CTXN2: variants seen among roughly 807,000 people sequenced by gnomAD.
CTXN2 encodes cortexin-2.
In CTXN2, 3 loss-of-function variants were observed where a neutral mutation model predicts 5.7. That is an observed-to-expected ratio of 0.53 (90% confidence interval 0.24 to 1.36). The LOEUF (loss-of-function observed/expected upper bound fraction) is 1.36, where lower values mean the gene tolerates loss of function less well. CTXN2 is among the 40% of genes most tolerant of loss of function. The pLI is 0.17. For missense variants in CTXN2, 87 were observed against 93.0 expected, an observed-to-expected ratio of 0.94 and a Z score of 0.26; for synonymous variants, 38 against 36.4, an observed-to-expected ratio of 1.04 and a Z score of -0.16.
rs1194716563 is a variant in CTXN2 at position 48,202,396 on chromosome 15, A to G, written c.*850A>G. ...CCTTTTCAATTCTAGTGCCCTATGA[A>G]TGCTACAAATGTATCTGAAAACCCA... On this transcript the variant is annotated 3_prime_UTR_variant, in exon 2 of 2. Coordinates refer to ENST00000417307, the MANE Select transcript of CTXN2 (RefSeq NM_001145668.2). 1 of 167,086 alleles carries G rather than the reference A, an allele frequency of 6.0e-6. No homozygotes were observed. Among genetic ancestry groups the G allele is most frequent in the African/African-American group, 2.4e-5 (1 of 41,452 alleles). The allele number at this position is 167,086 out of a possible 1,614,324, so 10.4% of individuals were successfully genotyped here. A position where few individuals can be genotyped will look rare whatever the true frequency, so the allele number is the denominator to read the frequency against.
In CTXN2 at chr15:48,198,374, A is replaced by G. The variant is rs956827405; in HGVS notation, c.-57-2870A>G. ...TGAAGGACTTTATTCCTCAAAAAAT[A>G]TATTCTTCAAAATATTTAGTTTAAT... On this transcript the variant is annotated intron_variant, in intron 1 of 1. Coordinates refer to ENST00000417307, the MANE Select transcript of CTXN2 (RefSeq NM_001145668.2). Among the ~76,000 whole-genome samples, 4 of 152,160 alleles carry G rather than the reference A, an allele frequency of 2.6e-5. No homozygotes were observed. In the East Asian group the frequency reaches 7.7e-4, roughly 29 times the overall value.
chr15:48,193,919 T>C (rs1304292125), intron 1 of CTXN2, among the ~76,000 whole-genome samples: 3 of 152,118 alleles, frequency 2.0e-5, no homozygotes, highest in African/African-American at 7.2e-5. Flanking sequence ...TTGAAAAATT[T>C]AGGCCTGAAA....
upstream of CTXN2, chr15:48,189,069 A>G (rs948405521): frequency 1.3e-5 from 2 of 152,210 alleles, no homozygotes; most frequent in South Asian, 2.1e-4. Flanking sequence ...GCTTTCCTGA[A>G]TAAGCCATTT....
chr15:48,187,357 TTA>T (rs1349178186), upstream of CTXN2, among the ~76,000 whole-genome samples: 3 of 152,208 alleles, frequency 2.0e-5, no homozygotes, highest in Non-Finnish European at 2.9e-5. Flanking sequence ...CAAAACTAAT[TTA>T]TGTTTGTCTT....
chr15:48,194,291 T>C (rs1480992407), intron 1 of CTXN2, among the ~76,000 whole-genome samples: 3 of 152,110 alleles, frequency 2.0e-5, no homozygotes, highest in African/African-American at 7.2e-5. Context: ...CTTTAAAAAC[T>C]GAATATGCAG....
intron 1 of CTXN2, among the ~76,000 whole-genome samples, chr15:48,199,092 A>G (rs1295584993): frequency 1.3e-5 from 2 of 152,182 alleles, no homozygotes; most frequent in Non-Finnish European, 2.9e-5. Flanking sequence ...ACTGTGCTAT[A>G]GACCCAATGA....
chr15:48,183,656 T>A (rs541244045), intron 1 of CTXN2, among the ~76,000 whole-genome samples: 1 of 152,348 alleles, frequency 6.6e-6, no homozygotes, highest in African/African-American at 2.4e-5. Context: ...GTGTTAGATT[T>A]AAAAATGCCT....
intron 1 of CTXN2, among the ~76,000 whole-genome samples, chr15:48,197,140 A>T (rs1211288106): frequency 6.6e-6 from 1 of 151,904 alleles, no homozygotes; most frequent in South Asian, 2.1e-4. Context: ...AAAGGGCTTA[A>T]TCTTATATTG....
intron 1 of CTXN2, among the ~76,000 whole-genome samples, chr15:48,179,346 G>A (rs1042410337): frequency 7.9e-5 from 12 of 151,626 alleles, no homozygotes; most frequent in Admixed American, 7.2e-4. Flanking sequence ...TTTCATCTTC[G>A]GCTTTTCAAT....
At chr15:48,199,224 C>T (rs1386585418) in intron 1 of CTXN2, among the ~76,000 whole-genome samples, 1 of 152,084 alleles carries the variant, frequency 6.6e-6, no homozygotes, top group Admixed American at 6.6e-5. Context: ...TATGGTCTTC[C>T]CTGGGAAGGG....
At chr15:48,192,091 A>G (rs932444700) in intron 1 of CTXN2, 20 of 305,764 alleles carry the variant, frequency 6.5e-5, no homozygotes, top group Non-Finnish European at 1.0e-4. Flanking sequence ...CAGGCGGGGG[A>G]AAAGTGTTGT....
chr15:48,180,673 G>A (rs188296161), intron 1 of CTXN2, among the ~76,000 whole-genome samples: 56 of 152,186 alleles, frequency 3.7e-4, no homozygotes, highest in African/African-American at 1.2e-3. Flanking sequence ...CAGCAGGCCC[G>A]GCTAATTTTT....
intron 1 of CTXN2, among the ~76,000 whole-genome samples, chr15:48,197,636 T>A (rs928069186): frequency 1.3e-5 from 2 of 152,046 alleles, no homozygotes; most frequent in Non-Finnish European, 2.9e-5. Flanking sequence ...TTCATTTAGC[T>A]CTTTAGATTT....
chr15:48,193,029 A>G (rs1335832739), intron 1 of CTXN2, among the ~76,000 whole-genome samples: 1 of 152,210 alleles, frequency 6.6e-6, no homozygotes, highest in African/African-American at 2.4e-5. Flanking sequence ...TCTTTGCTTA[A>G]CTGCTTACGG....
chr15:48,196,077 ACTTT>A (rs1193709671), intron 1 of CTXN2, among the ~76,000 whole-genome samples: 1 of 152,108 alleles, frequency 6.6e-6, no homozygotes, highest in Non-Finnish European at 1.5e-5. Flanking sequence ...TAATGTTATT[ACTTT>A]CTATCATTTG....
At chr15:48,179,410 CACACACATACACACACACACATACACAA>C (rs2040668270) in intron 1 of CTXN2, among the ~76,000 whole-genome samples, 1 of 44,272 alleles carries the variant, frequency 2.3e-5, no homozygotes, top group African/African-American at 2.9e-5. Flanking sequence ...CTTCATCACA[CACACACATACACACACACACATACACAA>C]ACACACACAC....
chr15:48,188,503 A>G (rs774168093), upstream of CTXN2, among the ~76,000 whole-genome samples: 6 of 152,190 alleles, frequency 3.9e-5, no homozygotes, highest in Admixed American at 1.3e-4. Context: ...AAGAAATAGT[A>G]AGTTATATGT....
rs2040943890 is a variant in CTXN2, at chr15:48,203,525, G to C, written c.*1979G>C. 6.0e-6 allele frequency: 1 copy of C among 166,948 alleles called. No homozygotes were observed. The highest frequency in any genetic ancestry group is 1.9e-4 in the East Asian group (1 of 5,190). 10.3% of individuals were successfully genotyped at this position (166,948 alleles called of 1,614,324 possible). A position where few individuals can be genotyped will look rare whatever the true frequency, so the allele number is the denominator to read the frequency against. ...GTTGACCAAGGCTTTTAAAGTACCAGATGTTTCATTTGTCTCCCAGAGAAG... is the reference window on the plus strand; with the variant it reads ...GTTGACCAAGGCTTTTAAAGTACCACATGTTTCATTTGTCTCCCAGAGAAG... On this transcript the variant is annotated 3_prime_UTR_variant, in exon 2 of 2. Coordinates refer to ENST00000417307, the MANE Select transcript of CTXN2 (RefSeq NM_001145668.2).
chr15:48,179,253 C>G (rs538497555), intron 1 of CTXN2, among the ~76,000 whole-genome samples: 67 of 152,066 alleles, frequency 4.4e-4, no homozygotes, highest in African/African-American at 1.5e-3. Flanking sequence ...GAAGCAAACA[C>G]GTACAGTTTA....
Sources: allele counts gnomAD v4.1 joint callset (sites outside exome capture counted in the v4.1 genomes callset), GRCh38; gene constraint gnomAD v4.1.1; transcripts MANE v1.5; gene names NCBI Gene and HGNC (gene_info 2026-07-23, HGNC 2026-07-21).